Variants in PAK5 observed in about 807,000 individuals in gnomAD.
The protein encoded by PAK5 is serine/threonine-protein kinase PAK 5.
PAK5 carries 16 observed loss-of-function variants against 65.9 expected under a neutral mutation model. The ratio of observed to expected loss-of-function variants is 0.24; its 90% CI spans 0.16 to 0.37. The LOEUF is 0.37. Ranked by LOEUF, PAK5 falls within the 10% of genes least tolerant of loss-of-function variation. The probability of loss-of-function intolerance (pLI) is 1.00; values close to 1 mark genes in which losing one functional copy is unlikely to be tolerated. For missense variants in PAK5, 785 were observed against 903.9 expected, an observed-to-expected ratio of 0.87 and a Z score of 1.69; for synonymous variants, 371 against 354.9, an observed-to-expected ratio of 1.05 and a Z score of -0.51.
intron 2 of PAK5, among the ~76,000 whole-genome samples, chr20:9,690,029 C>T (rs112876799): frequency 0.012 from 1,822 of 152,330 alleles, 34 homozygotes; most frequent in African/African-American, 0.041. Context: ...ACATACACCT[C>T]TCCATCCTCA....
At chr20:9,750,519 T>C (rs950585085) in intron 1 of PAK5, among the ~76,000 whole-genome samples, 7 of 152,204 alleles carry the variant, frequency 4.6e-5, no homozygotes, top group African/African-American at 1.4e-4. Flanking sequence ...ACTCATTATA[T>C]GGTACTCAAA....
chr20:9,629,727 T>C (rs530845721), intron 3 of PAK5, among the ~76,000 whole-genome samples: 34 of 152,342 alleles, frequency 2.2e-4, no homozygotes, highest in African/African-American at 8.2e-4. Flanking sequence ...CTTTAAACAA[T>C]GTCACATTGG....
chr20:9,675,993 C>A (rs1451625547), intron 2 of PAK5, among the ~76,000 whole-genome samples: 1 of 152,080 alleles, frequency 6.6e-6, no homozygotes, highest in Non-Finnish European at 1.5e-5. Context: ...TAAGAACATA[C>A]CCAAGACTGG....
chr20:9,639,057 A>T (rs535247849), intron 3 of PAK5, among the ~76,000 whole-genome samples: 4 of 152,188 alleles, frequency 2.6e-5, no homozygotes, highest in African/African-American at 9.7e-5. Context: ...ATGCATGACT[A>T]TATCCAGTCT....
chr20:9,709,389 A>G (rs767836195), intron 2 of PAK5, among the ~76,000 whole-genome samples: 9 of 152,172 alleles, frequency 5.9e-5, no homozygotes, highest in Non-Finnish European at 1.2e-4. Context: ...GGTGCTGTGA[A>G]AAGTCTAAAA....
chr20:9,679,566 A>G (rs982906262), intron 2 of PAK5, among the ~76,000 whole-genome samples: 2 of 152,134 alleles, frequency 1.3e-5, no homozygotes, highest in Non-Finnish European at 1.5e-5. Context: ...CATATTGCTG[A>G]CATTCAAAAG....
intron 3 of PAK5, among the ~76,000 whole-genome samples, chr20:9,634,867 G>A (rs936703785): frequency 6.6e-6 from 1 of 152,164 alleles, no homozygotes; most frequent in Non-Finnish European, 1.5e-5. Flanking sequence ...ATTCCAGGAA[G>A]TAACAGGCAC....
chr20:9,580,898 T>G lies in PAK5; in HGVS notation c.237A>C (p.Glu79Asp). 2 of 1,605,044 alleles carry G rather than the reference T, an allele frequency of 1.2e-6. No homozygotes were observed. Among genetic ancestry groups the G allele is most frequent in the Non-Finnish European group, 1.7e-6 (2 of 1,175,678 alleles). ...TIVRGNKPCK[E>D]TSINGLLEDF... ...CCTCTAGCAGGCCGTTGATGGAGGTTTCCTTGCAGGGTTTGTTTCCTCTAA... is the reference window on the plus strand; with the variant it reads ...CCTCTAGCAGGCCGTTGATGGAGGTGTCCTTGCAGGGTTTGTTTCCTCTAA... Residue 79 changes from glutamate (E) to aspartate (D), a missense_variant, in exon 4 of 10, where the codon GAA (glutamate) becomes GAC (aspartate). Transcript: ENST00000353224.
At chr20:9,761,101 C>T (rs757330997) in intron 1 of PAK5, among the ~76,000 whole-genome samples, 1 of 152,152 alleles carries the variant, frequency 6.6e-6, no homozygotes. Flanking sequence ...ACTCTAATAC[C>T]ACAGGCTAAC....
chr20:9,561,103 C>A (rs565624408), intron 6 of PAK5, among the ~76,000 whole-genome samples: 2 of 152,266 alleles, frequency 1.3e-5, no homozygotes, highest in South Asian at 2.1e-4. Context: ...ATTTCGAATA[C>A]CAAGTATTCA....
At chr20:9,647,351 C>T (rs146688137) in intron 2 of PAK5, among the ~76,000 whole-genome samples, 15 of 152,238 alleles carry the variant, frequency 9.9e-5, no homozygotes, top group Admixed American at 5.9e-4. Flanking sequence ...TGGCTGAGTC[C>T]GCTTGACAGT....
intron 2 of PAK5, among the ~76,000 whole-genome samples, chr20:9,661,202 AG>A (rs1025689155): frequency 2.0e-5 from 3 of 152,148 alleles, no homozygotes; most frequent in Non-Finnish European, 4.4e-5. Flanking sequence ...GATGTAATTA[AG>A]TGATTGTATG....
In PAK5 at chr20:9,733,029, T is replaced by G. The variant is rs1193644303; in HGVS notation, c.-161-21594A>C. On this transcript the variant is annotated intron_variant, in intron 1 of 9. Transcript: ENST00000353224. ...TTGTATTTTACTGGACACTAATTTG[T>G]GTCTGGAAGAACCTACTTTCTCAGA... Among the ~76,000 whole-genome samples, 3 of 152,256 alleles carry G rather than the reference T, an allele frequency of 2.0e-5. No individual in the cohort carries two copies. In the East Asian group the frequency reaches 5.8e-4, roughly 29 times the overall value.
At chr20:9,718,735 A>G (rs1248893965) in intron 1 of PAK5, among the ~76,000 whole-genome samples, 4 of 152,196 alleles carry the variant, frequency 2.6e-5, no homozygotes, top group Admixed American at 2.6e-4. Flanking sequence ...TTCCAAAAAA[A>G]ATTAATATGG....
intron 1 of PAK5, among the ~76,000 whole-genome samples, chr20:9,758,094 T>G (rs2048656496): frequency 6.6e-6 from 1 of 152,318 alleles, no homozygotes; most frequent in South Asian, 2.1e-4. Context: ...TGCAAGCTTT[T>G]TTATACTTTC....
chr20:9,673,665 C>G (rs991202962), intron 2 of PAK5, among the ~76,000 whole-genome samples: 2 of 152,148 alleles, frequency 1.3e-5, no homozygotes, highest in Non-Finnish European at 2.9e-5. Flanking sequence ...TGCCTCCTAA[C>G]TTTTCCTCTT....
chr20:9,730,664 T>A (rs985715207), intron 1 of PAK5, among the ~76,000 whole-genome samples: 2 of 152,216 alleles, frequency 1.3e-5, no homozygotes, highest in African/African-American at 4.8e-5. Flanking sequence ...TGTTCTTACA[T>A]GTCATGCTGA....
At chr20:9,556,707 C>T (rs1292451998) in intron 7 of PAK5, among the ~76,000 whole-genome samples, 2 of 152,170 alleles carry the variant, frequency 1.3e-5, no homozygotes, top group Non-Finnish European at 2.9e-5. Flanking sequence ...TGATGAGTTT[C>T]AGCAGAATCC....
At chr20:9,817,107 T>A (rs983627417) in intron 1 of PAK5, among the ~76,000 whole-genome samples, 4 of 152,006 alleles carry the variant, frequency 2.6e-5, no homozygotes, top group Non-Finnish European at 5.9e-5. Flanking sequence ...CATAGTGAGA[T>A]CCTGTCTCTA....
Sources: gnomAD v4.1 joint callset for allele counts (sites outside exome capture counted in the v4.1 genomes callset) on GRCh38, gnomAD v4.1.1 for gene constraint, MANE v1.5 for transcripts, NCBI Gene and HGNC (gene_info 2026-07-23, HGNC 2026-07-21) for gene names.